Variants in TDRD7 observed in about 807,000 individuals in gnomAD.
The protein encoded by TDRD7 is tudor domain containing 7.
A neutral mutation model predicts 109.8 loss-of-function variants in TDRD7; 47 were observed. The ratio of observed to expected loss-of-function variants is 0.43; its 90% CI spans 0.34 to 0.55. The LOEUF is 0.55. Ranked by LOEUF, TDRD7 falls within the 20% of genes least tolerant of loss-of-function variation. The pLI is 0.03. For missense variants in TDRD7, 1,164 were observed against 1,319.2 expected (o/e 0.88, Z 1.82); for synonymous variants, 424 against 457.3 (o/e 0.93, Z 0.93).
At position 97,482,934 on chromosome 9, in the gene TDRD7, A is replaced by G; in HGVS notation, c.2498A>G (p.Asn833Ser). Residue 833 changes from asparagine to serine, a missense_variant, in exon 15 of 17, where the codon AAT (asparagine) becomes AGT (serine). By Grantham distance (46) the Asn-to-Ser change is conservative. Around this residue, in one of 5 missense-constraint regions of TDRD7, gnomAD observed 233 missense variants for 218.0 expected, o/e 1.07. Transcript: ENST00000355295. ...KNFPDPHRSI[N>S]RQITNADLWK... is the part of the protein sequence containing the mutation. ...TTCCCTGACCCTCATCGCAGTATTA[A>G]TCGCCAGATTACAAATGCAGACTTG... 3 of 1,614,224 alleles carry G rather than the reference A, an allele frequency of 1.9e-6. No individual in the cohort carries two copies. Among genetic ancestry groups the G allele is most frequent in the Non-Finnish European group, 2.5e-6 (3 of 1,180,040 alleles).
At chr9:97,447,767 A>C (rs962643992) in intron 6 of TDRD7, among the ~76,000 whole-genome samples, 2 of 152,222 alleles carry the variant, frequency 1.3e-5, no homozygotes, top group African/African-American at 4.8e-5. Context: ...TCCAATGCAC[A>C]TTGAAAGCCA....
intron 4 of TDRD7, among the ~76,000 whole-genome samples, chr9:97,434,982 A>G (rs1447071232): frequency 1.3e-5 from 2 of 152,164 alleles, no homozygotes; most frequent in African/African-American, 4.8e-5. Context: ...AAAGATAGAT[A>G]ACAGATTAGT....
At chr9:97,449,543 G>A (rs1195862890) in intron 6 of TDRD7, among the ~76,000 whole-genome samples, 1 of 152,204 alleles carries the variant, frequency 6.6e-6, no homozygotes, top group Non-Finnish European at 1.5e-5. Flanking sequence ...TACAGATGAA[G>A]AAATGCATAA....
chr9:97,413,964 T>C (rs949698804), intron 1 of TDRD7, among the ~76,000 whole-genome samples: 2 of 152,212 alleles, frequency 1.3e-5, no homozygotes, highest in Non-Finnish European at 2.9e-5. Context: ...TGCAATATAA[T>C]CTAGCTGGAT....
At chr9:97,444,228 C>T (rs567697550) in intron 6 of TDRD7, among the ~76,000 whole-genome samples, 3 of 152,246 alleles carry the variant, frequency 2.0e-5, no homozygotes, top group Admixed American at 2.0e-4. Flanking sequence ...GAAGCAGAAA[C>T]ACAATATAAC....
rs1828761652 is a variant in TDRD7, at chr9:97,463,333, T to A, written c.1443-1509T>A. ...ATGCACATAATATTTCATTTTAAAA[T>A]AGCCATTGCACATGGTTTCCATTTT... On this transcript the variant is annotated intron_variant, in intron 7 of 16. Transcript: ENST00000355295. 2.0e-5 allele frequency among the ~76,000 whole-genome samples: 3 copies of A among 151,576 alleles called. No individual in the cohort carries two copies. The South Asian group carries it at 6.2e-4, about 31-fold the overall frequency.
chr9:97,441,716 T>C lies in TDRD7; in HGVS notation c.696T>C (p.Tyr232=), dbSNP rs745933902. Residue 232 remains tyrosine, a synonymous_variant, in exon 6 of 17, where the codon TAT becomes TAC. Transcript: ENST00000355295. ...TCAAGCCTCCTGCCTCTTACACTTATAAAATGGATGAGGTTCAAAATCGCA... is the reference window on the plus strand; with the variant it reads ...TCAAGCCTCCTGCCTCTTACACTTACAAAATGGATGAGGTTCAAAATCGCA... ...PNVKPPASYT[Y]KMDEVQNRIK... is the part of the protein sequence containing the mutation. 3 of 1,613,586 alleles carry C rather than the reference T, an allele frequency of 1.9e-6. No individual in the cohort carries two copies. In the East Asian group the frequency reaches 6.7e-5, roughly 36 times the overall value.
At chr9:97,425,568 A>T (rs1054151584) in intron 1 of TDRD7, among the ~76,000 whole-genome samples, 1 of 152,102 alleles carries the variant, frequency 6.6e-6, no homozygotes, top group Admixed American at 6.5e-5. Flanking sequence ...CTAACGACAC[A>T]TTTCTCAGAA....
chr9:97,469,641 A>G (rs771677660), intron 8 of TDRD7, among the ~76,000 whole-genome samples: 4 of 152,190 alleles, frequency 2.6e-5, no homozygotes, highest in Admixed American at 2.6e-4. Context: ...GTTTCTTTCA[A>G]TAACCATCAT....
At chr9:97,488,576 T>G (rs74848707) in intron 16 of TDRD7, among the ~76,000 whole-genome samples, 69,346 of 150,318 alleles carry the variant, frequency 0.46, 16,094 homozygotes, top group Admixed American at 0.52. Flanking sequence ...TTTTTTTTTT[T>G]TTTGTTTTCA....
chr9:97,442,445 T>A (rs917967978), intron 6 of TDRD7, among the ~76,000 whole-genome samples: 1 of 152,216 alleles, frequency 6.6e-6, no homozygotes, highest in African/African-American at 2.4e-5. Flanking sequence ...TTTCCATTTC[T>A]ATTCCTACTT....
chr9:97,495,462 CAG>C (rs947918313), intron 16 of TDRD7, among the ~76,000 whole-genome samples, 199 bp from the exon 17 acceptor site: 7 of 152,038 alleles, frequency 4.6e-5, no homozygotes, highest in African/African-American at 1.7e-4. Flanking sequence ...TAAAGATTTC[CAG>C]AGTGACTCCA....
chr9:97,464,749 G>T (rs1011726684), intron 7 of TDRD7, 93 bp from the exon 8 acceptor site: 1 of 1,357,400 alleles, frequency 7.4e-7, no homozygotes, highest in East Asian at 2.3e-5. Flanking sequence ...ACCAAAGATG[G>T]CAGCAGGGAA....
chr9:97,483,451 TG>T, intron 15 of TDRD7, 100 bp downstream of exon 15: 1 of 1,374,504 alleles, frequency 7.3e-7, no homozygotes, highest in Non-Finnish European at 1.0e-6. Flanking sequence ...ACTGTACTAA[TG>T]GGAATTTTGA....
chr9:97,419,794 A>G (rs189322383), intron 1 of TDRD7, among the ~76,000 whole-genome samples: 6 of 152,096 alleles, frequency 3.9e-5, no homozygotes, highest in Admixed American at 3.3e-4. Flanking sequence ...TTAATTCTTC[A>G]GGGTTTGCTG....
In TDRD7 at chr9:97,487,188, T is replaced by C. The variant is rs1327943378; in HGVS notation, c.2932T>C (p.Leu978=). ...TACATCTAGGTGGCACAGGGTGCTT[T>C]TAAAAGGAATCCTGACCAATGGACT... ...KVENKWHRVL[L]KGILTNGLVS... Residue 978 remains leucine, a synonymous_variant, in exon 16 of 17, where the codon TTA becomes CTA. Coordinates refer to ENST00000355295, the MANE Select transcript of TDRD7 (RefSeq NM_014290.3). The C allele has an allele frequency of 6.2e-7, 1 of 1,613,882 alleles. No homozygotes were observed. Among genetic ancestry groups the C allele is most frequent in the African/African-American group, 1.3e-5 (1 of 74,890 alleles).
chr9:97,445,834 T>G (rs1564201014), intron 6 of TDRD7, among the ~76,000 whole-genome samples: 1 of 152,124 alleles, frequency 6.6e-6, no homozygotes, highest in Non-Finnish European at 1.5e-5. Flanking sequence ...CTAGAAAAAT[T>G]ACAAATCTTG....
chr9:97,420,754 G>C (rs1343158709), intron 1 of TDRD7, among the ~76,000 whole-genome samples: 1 of 152,170 alleles, frequency 6.6e-6, no homozygotes, highest in African/African-American at 2.4e-5. Context: ...ACACGTTTCT[G>C]TGTGGACATA....
rs543206180 is a variant in TDRD7 at position 97,453,025 on chromosome 9, C to T, written c.856-7153C>T. Among the ~76,000 whole-genome samples the T allele has an allele frequency of 7.2e-5, 11 of 152,154 alleles. No individual in the cohort carries two copies. In the East Asian group the frequency reaches 2.1e-3, roughly 29 times the overall value. ...AAGCATCCCAGATTCTCAGTACACT[C>T]CTTGGAAAGAAAAAGATAATAAAGC... On this transcript the variant is annotated intron_variant, in intron 6 of 16. Transcript: ENST00000355295.
Sources: gnomAD v4.1 joint callset for allele counts (sites outside exome capture counted in the v4.1 genomes callset) on GRCh38, gnomAD v4.1.1 for gene constraint, gnomAD v4.1.1 regional missense constraint, MANE v1.5 for transcripts, NCBI Gene and HGNC (gene_info 2026-07-23, HGNC 2026-07-21) for gene names.